PRLR: variants seen among roughly 807,000 people sequenced by gnomAD.
The protein encoded by PRLR is prolactin receptor.
PRLR carries 13 observed loss-of-function variants against 40.2 expected under a neutral mutation model. That is an observed-to-expected ratio of 0.32 (90% CI 0.21 to 0.51). PRLR has a LOEUF of 0.51. Ranked by LOEUF, PRLR falls within the 20% of genes least tolerant of loss-of-function variation. The probability of loss-of-function intolerance (pLI) is 0.97; values close to 1 mark genes in which losing one functional copy is unlikely to be tolerated. For missense variants in PRLR, 656 were observed against 747.3 expected, an observed-to-expected ratio of 0.88 and a Z score of 1.42; for synonymous variants, 269 against 278.7, an observed-to-expected ratio of 0.97 and a Z score of 0.35.
intron 1 of PRLR, among the ~76,000 whole-genome samples, chr5:35,129,524 G>A (rs1773585307): frequency 6.6e-6 from 1 of 152,148 alleles, no homozygotes; most frequent in African/African-American, 2.4e-5. Flanking sequence ...ATCAACCACA[G>A]CAAATGTGGG....
chr5:35,071,350 A>T (rs1343908958), intron 6 of PRLR, among the ~76,000 whole-genome samples: 2 of 152,332 alleles, frequency 1.3e-5, no homozygotes, highest in East Asian at 3.9e-4. Context: ...GTCTACGAGC[A>T]GATTCTGGTT....
At chr5:35,089,105 C>G (rs1771044382) in intron 3 of PRLR, among the ~76,000 whole-genome samples, 1 of 152,192 alleles carries the variant, frequency 6.6e-6, no homozygotes, top group African/African-American at 2.4e-5. Context: ...GTACCTGCTT[C>G]CCGCCATGTA....
chr5:35,142,158 A>C (rs1774044707), intron 1 of PRLR, among the ~76,000 whole-genome samples: 1 of 152,228 alleles, frequency 6.6e-6, no homozygotes, highest in Non-Finnish European at 1.5e-5. Flanking sequence ...TGGCCAAACA[A>C]AAAACCTAGA....
chr5:35,159,975 A>G (rs1774628399), intron 1 of PRLR, among the ~76,000 whole-genome samples: 1 of 152,246 alleles, frequency 6.6e-6, no homozygotes, highest in African/African-American at 2.4e-5. Flanking sequence ...ATCCAATTTT[A>G]CAGTCTAATG....
intron 2 of PRLR, among the ~76,000 whole-genome samples, chr5:35,114,128 A>G (rs143337350): frequency 6.4e-4 from 98 of 152,278 alleles, no homozygotes; most frequent in African/African-American, 2.1e-3. Flanking sequence ...ACTTTGCAGC[A>G]TGATCCATGG....
At chr5:35,220,897 A>G (rs1427316690) in intron 1 of PRLR, among the ~76,000 whole-genome samples, 1 of 152,162 alleles carries the variant, frequency 6.6e-6, no homozygotes, top group African/African-American at 2.4e-5. Flanking sequence ...TATTAATACA[A>G]CCTTCTGAGG....
rs1769235011 is a variant in PRLR at position 35,064,598 on chromosome 5, C to A, written c.*491G>T. ...CAATTTGTTCTGGAATGCATTCTTT[C>A]TTTAAATGGTTATATTTGGGTAATC... On this transcript the variant is annotated 3_prime_UTR_variant, in exon 10 of 10. Transcript: ENST00000618457. 6.5e-6 allele frequency: 1 copy of A among 154,378 alleles called. No homozygotes were observed. Among genetic ancestry groups the A allele is most frequent in the Admixed American group, 6.4e-5 (1 of 15,606 alleles). The allele number at this position is 154,378 out of a possible 1,614,324, so 9.6% of individuals were successfully genotyped here.
downstream of PRLR, among the ~76,000 whole-genome samples, chr5:35,051,549 A>G (rs1423914670): frequency 1.3e-5 from 2 of 152,174 alleles, no homozygotes; most frequent in African/African-American, 2.4e-5. Context: ...TTGTTCCTGT[A>G]TGGGGGAAGA....
chr5:35,156,896 G>A (rs1774525849), intron 1 of PRLR, among the ~76,000 whole-genome samples: 1 of 152,042 alleles, frequency 6.6e-6, no homozygotes, highest in Admixed American at 6.5e-5. Flanking sequence ...AATTACACAT[G>A]CTGGGTGGGT....
At position 35,063,594 on chromosome 5, in the gene PRLR, G is replaced by T. The variant is rs1324742770; in HGVS notation, c.*1495C>A. The T allele has an allele frequency of 6.6e-6, 1 of 152,202 alleles. No individual in the cohort carries two copies. Among genetic ancestry groups the T allele is most frequent in the Non-Finnish European group, 1.5e-5 (1 of 68,036 alleles). The allele number at this position is 152,202 out of a possible 1,614,324, so 9.4% of individuals were successfully genotyped here. A position where few individuals can be genotyped will look rare whatever the true frequency, so the allele number is the denominator to read the frequency against. On this transcript the variant is annotated 3_prime_UTR_variant, in exon 10 of 10. Coordinates refer to ENST00000618457, the MANE Select transcript of PRLR (RefSeq NM_000949.7). ...TGGGAAGCAAATACCTAGTTTCCCAGAACTTTTATTTGGACACTTCTGATA... is the reference window on the plus strand; with the variant it reads ...TGGGAAGCAAATACCTAGTTTCCCATAACTTTTATTTGGACACTTCTGATA...
intron 2 of PRLR, among the ~76,000 whole-genome samples, chr5:35,115,652 T>C (rs1385952414): frequency 4.6e-5 from 7 of 151,130 alleles, no homozygotes; most frequent in Admixed American, 2.7e-4. Context: ...AGGGTTGGAA[T>C]GGGCAGAGCC....
chr5:35,091,921 C>T (rs765168070), intron 2 of PRLR, among the ~76,000 whole-genome samples: 6 of 152,152 alleles, frequency 3.9e-5, no homozygotes, highest in Non-Finnish European at 7.3e-5. Context: ...CTCTTTTGGG[C>T]GTTGCACTAA....
chr5:35,070,063 T>C (rs1236435614), intron 7 of PRLR, 61 bp downstream of exon 7: 3 of 1,542,916 alleles, frequency 1.9e-6, no homozygotes, highest in African/African-American at 1.4e-5. Context: ...AGTTATTATA[T>C]GCAAATATAC....
At chr5:35,137,304 C>A (rs1365354841) in intron 1 of PRLR, among the ~76,000 whole-genome samples, 2 of 152,162 alleles carry the variant, frequency 1.3e-5, no homozygotes, top group African/African-American at 2.4e-5. Flanking sequence ...TCTGAACTTT[C>A]TCCACTTTTT....
chr5:35,103,422 T>A (rs550118156), intron 2 of PRLR, among the ~76,000 whole-genome samples: 4 of 152,312 alleles, frequency 2.6e-5, no homozygotes, highest in African/African-American at 9.6e-5. Flanking sequence ...CTTCTGCAAA[T>A]GTCTGCACAT....
chr5:35,061,507 C>A lies in PRLR; in HGVS notation c.*3582G>T, dbSNP rs1769037066. 1 of 152,222 alleles carries A rather than the reference C, an allele frequency of 6.6e-6. No homozygotes were observed. The highest frequency in any genetic ancestry group is 1.5e-5 in the Non-Finnish European group (1 of 68,042). The allele number at this position is 152,222 out of a possible 1,614,324, so 9.4% of individuals were successfully genotyped here. On this transcript the variant is annotated 3_prime_UTR_variant, in exon 10 of 10. Transcript: ENST00000618457. Reference sequence around the variant, plus strand: ...AAGGATTGACCCCTTCAGACCAAGCCAGTTAAAGTGAGTCTTTTGTACTTA... The same window carrying A: ...AAGGATTGACCCCTTCAGACCAAGCAAGTTAAAGTGAGTCTTTTGTACTTA...
chr5:35,176,644 T>G (rs1246662070), intron 1 of PRLR, among the ~76,000 whole-genome samples: 1 of 152,108 alleles, frequency 6.6e-6, no homozygotes, highest in Admixed American at 6.5e-5. Context: ...TCATCACCAC[T>G]CCCTAATCTC....
At chr5:35,210,929 C>T (rs1487694783) in intron 1 of PRLR, among the ~76,000 whole-genome samples, 1 of 152,052 alleles carries the variant, frequency 6.6e-6, no homozygotes, top group African/African-American at 2.4e-5. Context: ...CCAGGCTGGT[C>T]TCAAACTACT....
intron 1 of PRLR, among the ~76,000 whole-genome samples, chr5:35,185,393 G>A (rs1296690675): frequency 2.0e-5 from 3 of 151,524 alleles, no homozygotes; most frequent in African/African-American, 7.3e-5. Context: ...CCAAACACCT[G>A]TTTGATTGAG....
Sources: gnomAD v4.1 joint callset for allele counts (sites outside exome capture counted in the v4.1 genomes callset) on GRCh38, gnomAD v4.1.1 for gene constraint, MANE v1.5 for transcripts, NCBI Gene and HGNC (gene_info 2026-07-23, HGNC 2026-07-21) for gene names.